Variants in ACACA observed in about 807,000 individuals in gnomAD.
The protein encoded by ACACA is acetyl-CoA carboxylase alpha.
Under a neutral mutation model 296.1 loss-of-function variants are expected in ACACA, and 103 were observed. The observed-to-expected ratio is 0.35, with a 90% CI of 0.30 to 0.41. The LOEUF is 0.41. ACACA is among the 10% of genes least tolerant of loss of function. The pLI is 1.00. For synonymous variants in ACACA, 953 were observed against 1,038.6 expected, an observed-to-expected ratio of 0.92 and a Z score of 1.58; for missense variants, 1,554 against 2,989.7, an observed-to-expected ratio of 0.52 and a Z score of 11.20.
intron 1 of ACACA, among the ~76,000 whole-genome samples, chr17:37,368,345 C>A (rs553937464): frequency 2.0e-5 from 3 of 152,160 alleles, no homozygotes; most frequent in Non-Finnish European, 4.4e-5. Flanking sequence ...CTTTGGGAGG[C>A]CAAGGTGGGT....
intron 29 of ACACA, 132 bp downstream of exon 29, chr17:37,221,592 T>G: frequency 1.2e-6 from 1 of 816,708 alleles, no homozygotes; most frequent in Non-Finnish European, 2.2e-6. Context: ...CTCTTCTCTT[T>G]TGGTTCATAT....
intron 2 of ACACA, among the ~76,000 whole-genome samples, chr17:37,337,443 GA>G (rs1454804043): frequency 1.7e-5 from 2 of 115,276 alleles, no homozygotes; most frequent in Non-Finnish European, 3.9e-5. Context: ...GAAAAGTAAA[GA>G]AAACTATAGA....
At chr17:37,242,970 G>A (rs1326007135) in intron 22 of ACACA, among the ~76,000 whole-genome samples, 2 of 152,116 alleles carry the variant, frequency 1.3e-5, no homozygotes, top group African/African-American at 2.4e-5. Context: ...GGGAGGCAGG[G>A]GTTGCAGTGA....
chr17:37,150,754 T>TA (rs916921929), intron 44 of ACACA, among the ~76,000 whole-genome samples: 15 of 151,388 alleles, frequency 9.9e-5, no homozygotes, highest in Middle Eastern at 3.4e-3. Flanking sequence ...CTCTGTCTCT[T>TA]AAAAAAAAGG....
rs2080738330 is a variant in ACACA at position 37,246,971 on chromosome 17, C to T, written c.2315G>A (p.Arg772His). The change falls in exon 19 of 56, where the codon CGC becomes CAC. Residue 772 changes from arginine (R) to histidine (H), a missense_variant. Around this residue, in one of 16 missense-constraint regions of ACACA, gnomAD observed 316 missense variants for 540.9 expected, o/e 0.58. Transcript: ENST00000616317. ...ACAGGTTTTATTGCCAATTGTGATG[C>T]GATATCTAGGAGACAAGTGGAAGTA... ...TYMKEEVDRY[R>H]ITIGNKTCVF... 1 of 1,613,808 alleles carries T rather than the reference C, an allele frequency of 6.2e-7. No homozygotes were observed. The highest frequency in any genetic ancestry group is 8.5e-7 in the Non-Finnish European group (1 of 1,179,960).
chr17:37,125,063 T>C (rs1194075707), intron 48 of ACACA, among the ~76,000 whole-genome samples: 1 of 152,226 alleles, frequency 6.6e-6, no homozygotes, highest in Non-Finnish European at 1.5e-5. Context: ...TAGCTCGTTA[T>C]AGCAAGCACT....
At chr17:37,335,402 A>G (rs1261783222) in intron 2 of ACACA, among the ~76,000 whole-genome samples, 4 of 152,198 alleles carry the variant, frequency 2.6e-5, no homozygotes, top group Non-Finnish European at 4.4e-5. Context: ...AATACTATAG[A>G]CACAGCCAAC....
Position 37,097,021 on chromosome 17 carries a change from A to T in ACACA, c.6866T>A (p.Phe2289Tyr). 1 of 1,614,158 alleles carries T rather than the reference A, an allele frequency of 6.2e-7. No individual in the cohort carries two copies. Among genetic ancestry groups the T allele is most frequent in the Non-Finnish European group, 8.5e-7 (1 of 1,180,038 alleles). ...GQIQAMLRRWFVEVEGTVKAY... is the reference protein window; with the variant it reads ...GQIQAMLRRWYVEVEGTVKAY... ...CTTCACTGTTCCTTCCACTTCCACAAACCAGCGCCTTAACATGGCTTGAAT... is the reference window on the plus strand; with the variant it reads ...CTTCACTGTTCCTTCCACTTCCACATACCAGCGCCTTAACATGGCTTGAAT... The change falls in exon 54 of 56, where the codon TTT becomes TAT. Residue 2289 changes from phenylalanine (F) to tyrosine (Y), a missense_variant. Physicochemically the swap from Phe to Tyr is conservative, Grantham distance 22 (BLOSUM62 3). This residue lies in a region of ACACA where 553 missense variants were observed against 1,043.6 expected (regional missense o/e 0.53). Coordinates refer to ENST00000616317, the MANE Select transcript of ACACA (RefSeq NM_198834.3). The surrounding 1 kb of genome is among the most constrained non-coding windows in gnomAD (Gnocchi z 4.8).
intron 35 of ACACA, 25 bp from the exon 36 acceptor site, chr17:37,193,440 G>T: frequency 6.4e-7 from 1 of 1,561,010 alleles, no homozygotes; most frequent in Non-Finnish European, 8.8e-7. Flanking sequence ...GGGGAAAAAT[G>T]TGTCAGTAGT....
chr17:37,194,941 C>T (rs969116289), intron 35 of ACACA, among the ~76,000 whole-genome samples: 7 of 151,912 alleles, frequency 4.6e-5, no homozygotes, highest in Admixed American at 2.0e-4. Flanking sequence ...ACACCCCCCC[C>T]ACCCGTTATG....
In ACACA at chr17:37,085,371, G is replaced by A. The variant is rs2072131788; in HGVS notation, c.*1945C>T. The A allele has an allele frequency of 5.3e-6, 2 of 379,320 alleles. No homozygotes were observed. The highest frequency in any genetic ancestry group is 4.5e-5 in the Admixed American group (1 of 22,038). The allele number at this position is 379,320 out of a possible 1,614,324, so 23.5% of individuals were successfully genotyped here. A position where few individuals can be genotyped will look rare whatever the true frequency, so the allele number is the denominator to read the frequency against. ...TGTGTCATAATTTGGTGGGGAGAGG[G>A]GAGGTAAATGAGTGTAACCCACCCT... is the stretch of plus-strand genomic sequence containing the variant. On this transcript the variant is annotated 3_prime_UTR_variant, in exon 56 of 56. Transcript: ENST00000616317.
intron 30 of ACACA, among the ~76,000 whole-genome samples, chr17:37,210,203 G>A (rs2078684525): frequency 6.6e-6 from 1 of 152,184 alleles, no homozygotes; most frequent in South Asian, 2.1e-4. Flanking sequence ...ACATAAGGCA[G>A]ATAAACCCCC....
At chr17:37,128,039 A>AAAAAAC (rs2074898628) in intron 47 of ACACA, among the ~76,000 whole-genome samples, 1 of 148,280 alleles carries the variant, frequency 6.7e-6, no homozygotes, top group Non-Finnish European at 1.5e-5. Context: ...AAAAAAAAAA[A>AAAAAAC]AAAAAAAAAA....
chr17:37,225,252 A>G, intron 26 of ACACA, 147 bp from the exon 27 acceptor site: 1 of 644,118 alleles, frequency 1.6e-6, no homozygotes. Flanking sequence ...AACAACTTCT[A>G]GGTCCTGTAA....
intron 43 of ACACA, among the ~76,000 whole-genome samples, chr17:37,153,085 C>T (rs529151761): frequency 6.6e-6 from 1 of 152,272 alleles, no homozygotes; most frequent in South Asian, 2.1e-4. Context: ...TAATTAACTA[C>T]ATTAATTGTA....
chr17:37,277,122 G>A lies in ACACA; in HGVS notation c.721-8C>T, dbSNP rs753292341. 112 of 1,610,172 alleles carry A rather than the reference G, an allele frequency of 7.0e-5. No homozygotes were observed. The highest frequency in any genetic ancestry group is 9.4e-5 in the Non-Finnish European group (110 of 1,176,448). On this transcript the variant is annotated splice_region_variant and splice_polypyrimidine_tract_variant and intron_variant, in intron 6 of 55. Transcript: ENST00000616317. Reference sequence around the variant, plus strand: ...CCAGCCAGCCCACACTGCCTGCAAGGGAATACAATATAATTCATTCTTAAA... The same window carrying A: ...CCAGCCAGCCCACACTGCCTGCAAGAGAATACAATATAATTCATTCTTAAA...
intron 8 of ACACA, chr17:37,274,759 T>C (rs975484423): frequency 4.1e-6 from 3 of 723,730 alleles, no homozygotes; most frequent in African/African-American, 1.9e-5. Flanking sequence ...TGAACGTCCC[T>C]GTACTCAGCC....
At chr17:37,173,806 T>C (rs1031550601) in intron 41 of ACACA, among the ~76,000 whole-genome samples, 18 of 148,638 alleles carry the variant, frequency 1.2e-4, no homozygotes, top group African/African-American at 3.0e-4. Flanking sequence ...ATACCAGTCA[T>C]GATGGCAGCT....
At chr17:37,102,154 C>T (rs566934991) in intron 52 of ACACA, among the ~76,000 whole-genome samples, 1 of 151,916 alleles carries the variant, frequency 6.6e-6, no homozygotes, top group East Asian at 1.9e-4. Context: ...GGTAAGAAAA[C>T]CACAGCTCTG....
Sources: gnomAD v4.1 joint callset for allele counts (sites outside exome capture counted in the v4.1 genomes callset) on GRCh38, gnomAD v4.1.1 for gene constraint, gnomAD v4.1.1 regional missense constraint, Gnocchi (gnomAD v3.1) non-coding constraint, MANE v1.5 for transcripts, NCBI Gene and HGNC (gene_info 2026-07-23, HGNC 2026-07-21) for gene names.